The following STX4 variants were observed in gnomAD, a reference collection of about 807,000 sequenced individuals.
The protein encoded by STX4 is syntaxin-4.
Under a neutral mutation model 41.8 loss-of-function variants are expected in STX4, and 24 were observed. The observed-to-expected ratio is 0.57, with a 90% CI of 0.42 to 0.81. STX4 has a LOEUF of 0.81. Ranked by LOEUF, STX4 falls within the 30% of genes least tolerant of loss-of-function variation. STX4 has a pLI of 0.00. For synonymous variants in STX4, 158 were observed against 156.4 expected (o/e 1.01, Z -0.08); for missense variants, 316 against 389.9 (o/e 0.81, Z 1.60).
upstream of STX4, chr16:31,033,461 T>C (rs1267731430): frequency 1.3e-6 from 2 of 1,548,486 alleles, no homozygotes; most frequent in Admixed American, 3.9e-5. This position sits in a 1 kb window ranked among gnomAD's most constrained non-coding sequence, Gnocchi z 5.5. Flanking sequence ...CCGCTTCCGC[T>C]CGGGGCGCAA....
chr16:31,038,861 C>T (rs1408426830), intron 8 of STX4, among the ~76,000 whole-genome samples: 1 of 152,086 alleles, frequency 6.6e-6, no homozygotes, highest in Non-Finnish European at 1.5e-5. Flanking sequence ...TAGCACCCTG[C>T]CCCCTCTCCA....
rs767708541 is a variant in STX4, at chr16:31,033,847, G to C, written c.30+12G>C. The C allele has an allele frequency of 2.8e-6, 4 of 1,453,684 alleles. No homozygotes were observed. The Admixed American group carries it at 1.2e-4, about 42-fold the overall frequency. The allele number at this position is 1,453,684 out of a possible 1,614,324, so 90.0% of individuals were successfully genotyped here. On this transcript the variant is annotated intron_variant, in intron 1 of 10. Transcript: ENST00000313843. The surrounding 1 kb of genome is among the most constrained non-coding windows in gnomAD (Gnocchi z 5.5). ...ACGAGCTGAGACAGGTGAGACGCCA[G>C]GGCAGCGGGGATGGGGACGGGCGGA...
intron 3 of STX4, 58 bp from the exon 4 acceptor site, chr16:31,034,404 A>C: frequency 3.1e-6 from 5 of 1,606,110 alleles, no homozygotes; most frequent in Non-Finnish European, 4.3e-6. Flanking sequence ...GGTGGTGGCC[A>C]GAGTGGTTTG....
At position 31,038,657 on chromosome 16, in the gene STX4, C is replaced by A; in HGVS notation, c.702+10C>A. 6.2e-7 allele frequency: 1 copy of A among 1,612,818 alleles called. No individual in the cohort carries two copies. Among genetic ancestry groups the A allele is most frequent in the South Asian group, 1.1e-5 (1 of 90,990 alleles). Reference sequence around the variant, plus strand: ...CGAAGTGGAGATGCAGGTGGGTGCCCCGCGCAGCCCCAGACGTGAGACCAG... The same window carrying A: ...CGAAGTGGAGATGCAGGTGGGTGCCACGCGCAGCCCCAGACGTGAGACCAG... On this transcript the variant is annotated intron_variant, in intron 8 of 10. Coordinates refer to ENST00000313843, the MANE Select transcript of STX4 (RefSeq NM_004604.5).
rs772426193 is a variant in STX4, at chr16:31,034,128, G to T, written c.132+14G>T. Reference sequence around the variant, plus strand: ...TTCTTCCACAAGGTAAGGGGCTGGGGTCTCCGCCTGGATTCGCGAGGGTGT... The same window carrying T: ...TTCTTCCACAAGGTAAGGGGCTGGGTTCTCCGCCTGGATTCGCGAGGGTGT... On this transcript the variant is annotated intron_variant, in intron 2 of 10. Coordinates refer to ENST00000313843, the MANE Select transcript of STX4 (RefSeq NM_004604.5). 1.2e-6 allele frequency: 2 copies of T among 1,608,454 alleles called. No individual in the cohort carries two copies. The highest frequency in any genetic ancestry group is 1.7e-6 in the Non-Finnish European group (2 of 1,176,242).
chr16:31,038,688 G>A (rs1247893638), intron 8 of STX4, 41 bp downstream of exon 8: 2 of 1,606,404 alleles, frequency 1.2e-6, no homozygotes. Context: ...ACCAGGCTCA[G>A]TCCAAACTGC....
chr16:31,034,142 T>A (rs1350772959), intron 2 of STX4, 28 bp downstream of exon 2: 1 of 1,608,240 alleles, frequency 6.2e-7, no homozygotes, highest in Non-Finnish European at 8.5e-7. Flanking sequence ...CCGCCTGGAT[T>A]CGCGAGGGTG....
In STX4 at chr16:31,035,975, C is replaced by T. The variant is rs139748212; in HGVS notation, c.378+935C>T. ...TATATTTTTGGTAGAAATGAGGTTTCACCTTGTTGGCCAGGCTGGTCTCGA... is the reference window on the plus strand; with the variant it reads ...TATATTTTTGGTAGAAATGAGGTTTTACCTTGTTGGCCAGGCTGGTCTCGA... On this transcript the variant is annotated intron_variant, in intron 5 of 10. Coordinates refer to ENST00000313843, the MANE Select transcript of STX4 (RefSeq NM_004604.5). 6.6e-4 allele frequency among the ~76,000 whole-genome samples: 100 copies of T among 152,126 alleles called. 2 individuals carry two copies. In the East Asian group the frequency reaches 0.019, roughly 29 times the overall value.
In STX4 at chr16:31,039,638, A is replaced by C; in HGVS notation, c.800A>C (p.Lys267Thr). The C allele has an allele frequency of 1.9e-6, 3 of 1,614,186 alleles. No homozygotes were observed. The highest frequency in any genetic ancestry group is 2.5e-6 in the Non-Finnish European group (3 of 1,180,012). ...EHVKTALENQ[K>T]KARKKKVLIA... ...GTCAAGACGGCCCTGGAGAACCAGA[A>C]GAAGGCGAGGAAGGTGAGCCTCCCA... Residue 267 changes from lysine (K) to threonine (T), a missense_variant, in exon 9 of 11, where the codon AAG becomes ACG. Lys to Thr is a moderately conservative substitution (Grantham distance 78). Transcript: ENST00000313843. The surrounding 1 kb of genome is among the most constrained non-coding windows in gnomAD (Gnocchi z 4.1).
At chr16:31,036,097 T>C (rs1297100324) in intron 5 of STX4, among the ~76,000 whole-genome samples, 1 of 151,776 alleles carries the variant, frequency 6.6e-6, no homozygotes, top group Admixed American at 6.6e-5. Context: ...GATATCTTAG[T>C]AAGGAGATTT....
At position 31,033,941 on chromosome 16, in the gene STX4, C is replaced by T; in HGVS notation, c.31-72C>T. On this transcript the variant is annotated intron_variant, in intron 1 of 10. Transcript: ENST00000313843. The surrounding 1 kb of genome is among the most constrained non-coding windows in gnomAD (Gnocchi z 5.5). ...TGGCTGATGGCCAGGAAGGAAAGTC[C>T]CGGAAGCCTGTGGGTCCTGCGGGGT... The T allele has an allele frequency of 6.8e-7, 1 of 1,471,332 alleles. No homozygotes were observed. Among genetic ancestry groups the T allele is most frequent in the East Asian group, 2.5e-5 (1 of 40,628 alleles). The allele number at this position is 1,471,332 out of a possible 1,614,324, so 91.1% of individuals were successfully genotyped here.
chr16:31,034,338 C>T lies in STX4; in HGVS notation c.232+13C>T, dbSNP rs756862006. 2.5e-6 allele frequency: 4 copies of T among 1,613,850 alleles called. No individual in the cohort carries two copies. The highest frequency in any genetic ancestry group is 2.5e-6 in the Non-Finnish European group (3 of 1,179,920). On this transcript the variant is annotated intron_variant, in intron 3 of 10. Coordinates refer to ENST00000313843, the MANE Select transcript of STX4 (RefSeq NM_004604.5). Reference sequence around the variant, plus strand: ...CTTCCCGAGGAGAGTGAGTGAAACCCCGGCTGCAGGGCGCATGCTCCGCCC... The same window carrying T: ...CTTCCCGAGGAGAGTGAGTGAAACCTCGGCTGCAGGGCGCATGCTCCGCCC...
chr16:31,038,104 T>A lies in STX4; in HGVS notation c.488-10T>A, dbSNP rs767796201. The A allele has an allele frequency of 1.9e-6, 3 of 1,614,180 alleles. No homozygotes were observed. The highest frequency in any genetic ancestry group is 2.5e-6 in the Non-Finnish European group (3 of 1,180,032). ...CAACCCAACCCTGAGCCTGGCCTTT[T>A]CCTTCACAGCCAATGCTGGGATGGT... On this transcript the variant is annotated splice_polypyrimidine_tract_variant and intron_variant, in intron 6 of 10. Transcript: ENST00000313843.
chr16:31,035,073 C>A, intron 5 of STX4, 33 bp downstream of exon 5: 2 of 1,558,936 alleles, frequency 1.3e-6, no homozygotes, highest in Non-Finnish European at 8.8e-7. Context: ...GAGGACATTT[C>A]AGCAAATGTT....
chr16:31,039,442 G>A lies in STX4; in HGVS notation c.703-99G>A. ...TCAAGTCTTGCCCTTGTCTTTGTTA[G>A]TGCAATTTTTTTTTCCTGCCAGGAA... On this transcript the variant is annotated intron_variant, in intron 8 of 10. Transcript: ENST00000313843. This position sits in a 1 kb window ranked among gnomAD's most constrained non-coding sequence, Gnocchi z 4.1. 7.9e-7 allele frequency: 1 copy of A among 1,268,084 alleles called. No homozygotes were observed. Among genetic ancestry groups the A allele is most frequent in the South Asian group, 1.3e-5 (1 of 75,130 alleles). The allele number at this position is 1,268,084 out of a possible 1,614,324, so 78.6% of individuals were successfully genotyped here.
At chr16:31,033,209 C>A (rs2056768040), upstream of STX4, 3 of 630,652 alleles carry the variant, frequency 4.8e-6, no homozygotes, top group Non-Finnish European at 6.0e-6. The surrounding 1 kb of genome is among the most constrained non-coding windows in gnomAD (Gnocchi z 5.5). Flanking sequence ...ATGAGAACGG[C>A]GTCCCAGAGA....
chr16:31,039,986 C>A lies in STX4; in HGVS notation c.*90C>A, dbSNP rs963496139. 3 of 655,204 alleles carry A rather than the reference C, an allele frequency of 4.6e-6. No homozygotes were observed. Among genetic ancestry groups the A allele is most frequent in the Non-Finnish European group, 7.9e-6 (3 of 379,304 alleles). The allele number at this position is 655,204 out of a possible 1,614,324, so 40.6% of individuals were successfully genotyped here. ...TGGGGGGCAGGGCAGAGCCTCCAGT[C>A]GGACCCCTTCCTCACACTGGCCCCT... On this transcript the variant is annotated 3_prime_UTR_variant, in exon 11 of 11. Transcript: ENST00000313843. This position sits in a 1 kb window ranked among gnomAD's most constrained non-coding sequence, Gnocchi z 4.1.
intron 5 of STX4, among the ~76,000 whole-genome samples, chr16:31,037,057 C>A (rs1456346230): frequency 7.0e-5 from 10 of 142,890 alleles, no homozygotes; most frequent in Non-Finnish European, 1.6e-4. Context: ...TAGTGAGACC[C>A]CCCCCCCTTT....
chr16:31,034,079 C>A lies in STX4; in HGVS notation c.97C>A (p.Arg33=). 6.2e-7 allele frequency: 1 copy of A among 1,610,050 alleles called. No individual in the cohort carries two copies. The highest frequency in any genetic ancestry group is 8.5e-7 in the Non-Finnish European group (1 of 1,177,466). The change falls in exon 2 of 11, where the codon CGG becomes AGG. Residue 33 remains arginine, a synonymous_variant. Transcript: ENST00000313843. The part of the protein sequence containing the change: ...VALVVHPGTA[R]LGSPDEEFFH... ...GCTGGTGGTGCACCCGGGCACGGCACGGCTGGGGAGCCCGGACGAGGAGTT... is the reference window on the plus strand; with the variant it reads ...GCTGGTGGTGCACCCGGGCACGGCAAGGCTGGGGAGCCCGGACGAGGAGTT...
Sources: allele counts gnomAD v4.1 joint callset (sites outside exome capture counted in the v4.1 genomes callset), GRCh38; gene constraint gnomAD v4.1.1; non-coding constraint Gnocchi (gnomAD v3.1); transcripts MANE v1.5; gene names NCBI Gene and HGNC (gene_info 2026-07-23, HGNC 2026-07-21).